Variants in USP42 observed in about 807,000 individuals in gnomAD.
USP42 encodes the protein ubiquitin specific peptidase 42.
In USP42, 23 loss-of-function variants were observed where a neutral mutation model predicts 113.0. That is an observed-to-expected ratio of 0.20 (90% CI 0.15 to 0.29). The LOEUF (loss-of-function observed/expected upper bound fraction) is 0.29, where lower values mean the gene tolerates loss of function less well. Ranked by LOEUF, USP42 falls within the 10% of genes least tolerant of loss-of-function variation. USP42 has a pLI of 1.00. For synonymous variants in USP42, 933 were observed against 699.0 expected, an observed-to-expected ratio of 1.33 and a Z score of -5.28; for missense variants, 2,174 against 1,779.8, an observed-to-expected ratio of 1.22 and a Z score of -3.99.
intron 3 of USP42, among the ~76,000 whole-genome samples, chr7:6,121,382 T>C (rs1780217465): frequency 6.6e-6 from 1 of 152,232 alleles, no homozygotes; most frequent in Non-Finnish European, 1.5e-5. Flanking sequence ...CATTATTCTA[T>C]GTATTACTGG....
At chr7:6,129,847 T>G (rs1780751462) in intron 3 of USP42, among the ~76,000 whole-genome samples, 2 of 142,848 alleles carry the variant, frequency 1.4e-5, no homozygotes, top group Non-Finnish European at 3.0e-5. Flanking sequence ...GGTGACAGAG[T>G]GAGACTCTGT....
At chr7:6,108,428 G>A (rs1052088604) in intron 1 of USP42, among the ~76,000 whole-genome samples, 2 of 152,068 alleles carry the variant, frequency 1.3e-5, no homozygotes, top group African/African-American at 4.8e-5. Flanking sequence ...GAAAGTACAT[G>A]GGTATTTTAT....
At chr7:6,114,669 TATATATATA>T (rs1264860002) in intron 2 of USP42, among the ~76,000 whole-genome samples, 18 of 47,416 alleles carry the variant, frequency 3.8e-4, no homozygotes, top group Non-Finnish European at 6.9e-4. Context: ...TATATATATA[TATATATATA>T]TTTTTTTTTT....
intron 1 of USP42, among the ~76,000 whole-genome samples, chr7:6,107,241 G>C (rs1043136175): frequency 1.3e-5 from 2 of 152,006 alleles, no homozygotes; most frequent in African/African-American, 2.4e-5. Context: ...AAGGTAATTG[G>C]AGCAAATAAA....
the USP42 span, among the ~76,000 whole-genome samples, chr7:6,089,118 C>T: frequency 1.3e-5 from 2 of 150,720 alleles, no homozygotes; most frequent in East Asian, 1.9e-4. Context: ...GATCTCTGTT[C>T]ACTGCAACCG....
At chr7:6,086,000 A>C in the USP42 span, among the ~76,000 whole-genome samples, 1 of 150,518 alleles carries the variant, frequency 6.6e-6, no homozygotes, top group Non-Finnish European at 1.5e-5. Flanking sequence ...GCCAACATCG[A>C]GATGAGAGAA....
Position 6,150,261 on chromosome 7 carries a change from T to G in USP42, c.2065T>G (p.Ser689Ala), listed in dbSNP as rs767795305. 25 of 1,613,444 alleles carry G rather than the reference T, an allele frequency of 1.5e-5. No individual in the cohort carries two copies. Among genetic ancestry groups the G allele is most frequent in the Non-Finnish European group, 2.1e-5 (25 of 1,179,834 alleles). ...ASCQGQPALH[S>A]ENPFAKANGL... is the part of the protein sequence containing the mutation. ...CTGCCAAGGCCAGCCTGCCCTGCAC[T>G]CAGAAAATCCCTTTGCTAAGGCAAA... is the stretch of plus-strand genomic sequence containing the variant. Residue 689 changes from serine to alanine, a missense_variant, in exon 13 of 18, where the codon TCA (serine) becomes GCA (alanine). By Grantham distance (99) the Ser-to-Ala change is moderately conservative. Transcript: ENST00000306177.
At chr7:6,130,265 C>CA (rs1462236049) in intron 3 of USP42, among the ~76,000 whole-genome samples, 1 of 152,230 alleles carries the variant, frequency 6.6e-6, no homozygotes, top group Non-Finnish European at 1.5e-5. Context: ...AGTAGAAGCC[C>CA]ACATTCCCCA....
chr7:6,116,547 AT>A, intron 3 of USP42: 1 of 309,706 alleles, frequency 3.2e-6, no homozygotes, highest in Non-Finnish European at 6.1e-6. Context: ...AGTTACTAGG[AT>A]TTAAAAAAAA....
intron 9 of USP42, among the ~76,000 whole-genome samples, chr7:6,145,205 C>T (rs1409654701): frequency 6.6e-6 from 1 of 151,850 alleles, no homozygotes; most frequent in Non-Finnish European, 1.5e-5. Flanking sequence ...TGGTGGCGCA[C>T]CTGTAATCCC....
intron 9 of USP42, among the ~76,000 whole-genome samples, chr7:6,144,830 A>G (rs187222298): frequency 5.0e-4 from 76 of 152,038 alleles, no homozygotes; most frequent in African/African-American, 1.8e-3. Flanking sequence ...AGATTGTGCC[A>G]CTGCACTCCA....
chr7:6,141,271 C>T (rs1438591541), intron 7 of USP42, among the ~76,000 whole-genome samples: 5 of 141,580 alleles, frequency 3.5e-5, no homozygotes, highest in Non-Finnish European at 7.5e-5. Context: ...GGCGTGATCT[C>T]GGCTCACTGC....
At position 6,156,783 on chromosome 7, in the gene USP42, C is replaced by G; in HGVS notation, c.3671C>G (p.Ala1224Gly). The G allele has an allele frequency of 6.3e-7, 1 of 1,579,770 alleles. No homozygotes were observed. The highest frequency in any genetic ancestry group is 8.6e-7 in the Non-Finnish European group (1 of 1,167,040). ...RHQQDSDLSA[A>G]CSDADLHRHK... is the part of the protein sequence containing the mutation. ...CAGCAGGACTCAGACCTCTCAGCAG[C>G]GTGCTCTGACGCTGACCTCCACAGA... Residue 1224 changes from alanine (A) to glycine (G), a missense_variant, in exon 16 of 18, where the codon GCG (alanine) becomes GGG (glycine). Physicochemically the swap from Ala to Gly is moderately conservative, Grantham distance 60 (BLOSUM62 0). Coordinates refer to ENST00000306177, the MANE Select transcript of USP42 (RefSeq NM_032172.3).
the USP42 span, among the ~76,000 whole-genome samples, chr7:6,092,140 TTCC>T: frequency 3.7e-3 from 526 of 143,960 alleles, 22 homozygotes; most frequent in African/African-American, 0.014. Context: ...CTTCTTCTTC[TTCC>T]TCTTCCTCTT....
the USP42 span, among the ~76,000 whole-genome samples, chr7:6,086,759 T>G: frequency 5.4e-5 from 8 of 149,006 alleles, no homozygotes; most frequent in African/African-American, 7.6e-5. Context: ...GGAGTTTCGC[T>G]CTTGTCGCCC....
Position 6,159,427 on chromosome 7 carries a change from C to G in USP42, c.3944-23C>G, listed in dbSNP as rs1243120560. 1 of 1,613,970 alleles carries G rather than the reference C, an allele frequency of 6.2e-7. No homozygotes were observed. The highest frequency in any genetic ancestry group is 1.6e-4 in the Middle Eastern group (1 of 6,062). On this transcript the variant is annotated intron_variant, in intron 16 of 17. Coordinates refer to ENST00000306177, the MANE Select transcript of USP42 (RefSeq NM_032172.3). This position sits in a 1 kb window ranked among gnomAD's most constrained non-coding sequence, Gnocchi z 4.1. ...GATTTTGCAACCATCATTAAAATCT[C>G]TTTCCTGACCTTTGCTTTCTAGGTG...
chr7:6,098,638 G>C, the USP42 span, among the ~76,000 whole-genome samples: 5 of 150,030 alleles, frequency 3.3e-5, 1 homozygote, highest in African/African-American at 9.9e-5. Context: ...TGCAACCTCC[G>C]CCTCCCCGGT....
At chr7:6,098,905 TTGG>T in the USP42 span, among the ~76,000 whole-genome samples, 630 of 150,236 alleles carry the variant, frequency 4.2e-3, 38 homozygotes, top group African/African-American at 0.015. Context: ...AGTCTTCGGG[TTGG>T]TGGTACCATT....
At chr7:6,140,525 A>T (rs758996287) in intron 6 of USP42, among the ~76,000 whole-genome samples, 8 of 152,058 alleles carry the variant, frequency 5.3e-5, no homozygotes, top group African/African-American at 1.2e-4. Context: ...TATCGATGGG[A>T]TTTAGGTTGT....
Sources: allele counts gnomAD v4.1 joint callset (sites outside exome capture counted in the v4.1 genomes callset), GRCh38; gene constraint gnomAD v4.1.1; non-coding constraint Gnocchi (gnomAD v3.1); transcripts MANE v1.5; gene names NCBI Gene and HGNC (gene_info 2026-07-23, HGNC 2026-07-21).